DYM: variants seen among roughly 807,000 people sequenced by gnomAD.
The protein encoded by DYM is dyggve-Melchior-Clausen syndrome protein.
Under a neutral mutation model 93.1 loss-of-function variants are expected in DYM, and 78 were observed. The ratio of observed to expected loss-of-function variants is 0.84; its 90% CI spans 0.70 to 1.01. The LOEUF is 1.01. Ranked by LOEUF, DYM falls within the 50% of genes least tolerant of loss-of-function variation. DYM has a pLI of 0.00. For synonymous variants in DYM, 321 were observed against 319.7 expected, an observed-to-expected ratio of 1.00 and a Z score of -0.04; for missense variants, 789 against 845.0, an observed-to-expected ratio of 0.93 and a Z score of 0.82.
intron 11 of DYM, among the ~76,000 whole-genome samples, chr18:49,271,332 A>G (rs2094692271): frequency 6.6e-6 from 1 of 152,174 alleles, no homozygotes; most frequent in Non-Finnish European, 1.5e-5. Context: ...ATCAAAAATA[A>G]TAATGTAAAA....
At chr18:49,282,305 A>C in intron 9 of DYM, 130 bp from the exon 10 acceptor site, 1 of 993,536 alleles carries the variant, frequency 1.0e-6, no homozygotes. Context: ...CAGATTCAAA[A>C]TTTTAATTTA....
chr18:49,419,956 C>G (rs1304389043), intron 2 of DYM, among the ~76,000 whole-genome samples: 1 of 152,156 alleles, frequency 6.6e-6, no homozygotes, highest in Non-Finnish European at 1.5e-5. Context: ...ATCACATGAG[C>G]AGCAGTACTC....
rs529081630 is a variant in DYM, at chr18:49,362,168, T to C, written c.494+993A>G. ...GGCGTGAGACACTGCACCTGGCCAATACTTTTTTTTAAAGGTGGAGAATCA... is the reference window on the plus strand; with the variant it reads ...GGCGTGAGACACTGCACCTGGCCAACACTTTTTTTTAAAGGTGGAGAATCA... On this transcript the variant is annotated intron_variant, in intron 6 of 17. Transcript: ENST00000675505. Among the ~76,000 whole-genome samples the C allele has an allele frequency of 2.6e-5, 4 of 151,818 alleles. No homozygotes were observed. The South Asian group carries it at 6.3e-4, about 24-fold the overall frequency.
intron 1 of DYM, among the ~76,000 whole-genome samples, chr18:49,432,422 G>A (rs1182964846): frequency 4.0e-5 from 6 of 150,838 alleles, no homozygotes; most frequent in Admixed American, 4.0e-4. Context: ...AATTATATGG[G>A]GACATAATAC....
At chr18:49,220,192 T>C (rs2093289496) in intron 13 of DYM, among the ~76,000 whole-genome samples, 1 of 152,082 alleles carries the variant, frequency 6.6e-6, no homozygotes, top group Non-Finnish European at 1.5e-5. Context: ...GAATCCAACT[T>C]ACAAGGGACA....
Position 49,333,753 on chromosome 18 carries a change from G to A in DYM, c.595C>T (p.His199Tyr). 1 of 1,613,946 alleles carries A rather than the reference G, an allele frequency of 6.2e-7. No homozygotes were observed. The highest frequency in any genetic ancestry group is 8.5e-7 in the Non-Finnish European group (1 of 1,179,884). ...HKEVLRQSIS[H>Y]KYLMRGPCLP... is the part of the protein sequence containing the mutation. ...CATGGACCTCGCATCAAATACTTGT[G>A]GCTGATGCTCTGTCGCAAAACTTCT... is the stretch of plus-strand genomic sequence containing the variant. The change falls in exon 7 of 18, where the codon CAC becomes TAC. Residue 199 changes from histidine to tyrosine, a missense_variant. Around this residue, in one of 3 missense-constraint regions of DYM, gnomAD observed 450 missense variants for 436.2 expected, o/e 1.03. Transcript: ENST00000675505.
chr18:49,416,633 T>C (rs893380775), intron 2 of DYM, among the ~76,000 whole-genome samples: 1 of 152,164 alleles, frequency 6.6e-6, no homozygotes, highest in Admixed American at 6.5e-5. Context: ...GGACTTTCCA[T>C]TTCCTACACA....
chr18:49,160,896 T>G (rs2087022613), intron 15 of DYM, among the ~76,000 whole-genome samples: 1 of 152,232 alleles, frequency 6.6e-6, no homozygotes. Context: ...CGGTGCTTAT[T>G]TTTAAGGTTA....
chr18:49,238,116 T>C (rs1294794874), intron 13 of DYM, among the ~76,000 whole-genome samples: 1 of 152,210 alleles, frequency 6.6e-6, no homozygotes, highest in Admixed American at 6.5e-5. Context: ...TACCACATTC[T>C]TCATAGGAGT....
At chr18:49,333,657 G>A in intron 7 of DYM, 71 bp downstream of exon 7, 1 of 1,516,414 alleles carries the variant, frequency 6.6e-7, no homozygotes, top group Non-Finnish European at 9.1e-7. Context: ...CGATACTCAG[G>A]TAAAAGGACA....
At chr18:49,245,370 T>A (rs2094140490) in intron 13 of DYM, among the ~76,000 whole-genome samples, 1 of 152,192 alleles carries the variant, frequency 6.6e-6, no homozygotes, top group South Asian at 2.1e-4. Flanking sequence ...AGAGCCATAT[T>A]TTTCTTCTTG....
chr18:49,396,281 G>A (rs1483738385), intron 2 of DYM, among the ~76,000 whole-genome samples: 1 of 152,202 alleles, frequency 6.6e-6, no homozygotes, highest in Non-Finnish European at 1.5e-5. Flanking sequence ...CAACAGTAGG[G>A]AGGTTTTTCA....
At chr18:49,125,625 ACTAT>A (rs2082741144) in intron 15 of DYM, among the ~76,000 whole-genome samples, 1 of 152,246 alleles carries the variant, frequency 6.6e-6, no homozygotes. Context: ...TAATTCAGTT[ACTAT>A]CTATCCAATT....
intron 15 of DYM, among the ~76,000 whole-genome samples, chr18:49,128,083 G>A (rs1225457583): frequency 1.4e-4 from 21 of 152,224 alleles, no homozygotes; most frequent in Non-Finnish European, 4.4e-5. Flanking sequence ...AGAGAACTGT[G>A]GCTGCTAGGG....
At chr18:49,296,998 T>C (rs2060606920) in intron 8 of DYM, among the ~76,000 whole-genome samples, 1 of 152,178 alleles carries the variant, frequency 6.6e-6, no homozygotes, top group African/African-American at 2.4e-5. Flanking sequence ...TAAACTTAAT[T>C]TATTCCTTCA....
intron 1 of DYM, among the ~76,000 whole-genome samples, chr18:49,444,419 T>G (rs1017751214): frequency 6.6e-6 from 1 of 152,190 alleles, no homozygotes; most frequent in African/African-American, 2.4e-5. Context: ...GTTAATGAAT[T>G]CAGCCTAAAG....
chr18:49,460,363 C>CGGG (rs1555765213), intron 1 of DYM, 35 bp downstream of exon 1: 1 of 152,166 alleles, frequency 6.6e-6, no homozygotes, highest in Non-Finnish European at 1.5e-5. Context: ...GCTTTCGGGC[C>CGGG]CGGCCGCGCT....
At chr18:49,414,619 C>T (rs561848796) in intron 2 of DYM, among the ~76,000 whole-genome samples, 1 of 152,304 alleles carries the variant, frequency 6.6e-6, no homozygotes, top group African/African-American at 2.4e-5. Flanking sequence ...ACTTCCACTT[C>T]AGCCTCTTTA....
rs150100636 is a variant in DYM, at chr18:49,144,621, G to C, written c.1728+19064C>G. Among the ~76,000 whole-genome samples the C allele has an allele frequency of 7.2e-4, 110 of 152,160 alleles. 4 individuals are homozygous for C. The East Asian group carries it at 0.021, about 29-fold the overall frequency. On this transcript the variant is annotated intron_variant, in intron 15 of 17. Transcript: ENST00000675505. The stretch of plus-strand genomic sequence containing the variant: ...GTTACAGATGCTCAAAGCTGTTATT[G>C]GGTTGGTCACTGTTACAATGAGTTC...
Sources: gnomAD v4.1 joint callset for allele counts (sites outside exome capture counted in the v4.1 genomes callset) on GRCh38, gnomAD v4.1.1 for gene constraint, gnomAD v4.1.1 regional missense constraint, MANE v1.5 for transcripts, NCBI Gene and HGNC (gene_info 2026-07-23, HGNC 2026-07-21) for gene names.